The following ETV6 variants were observed in gnomAD, a reference collection of about 807,000 sequenced individuals.
ETV6 encodes the protein transcription factor ETV6.
ETV6 carries 16 observed loss-of-function variants against 51.1 expected under a neutral mutation model. That is an observed-to-expected ratio of 0.31 (90% CI 0.21 to 0.48). ETV6 has a LOEUF of 0.48. Among genes scored for constraint, ETV6 ranks in the 20% least tolerant of loss-of-function variants. The probability of loss-of-function intolerance (pLI) is 0.99; values close to 1 mark genes in which losing one functional copy is unlikely to be tolerated. For missense variants in ETV6, 458 were observed against 594.8 expected, an observed-to-expected ratio of 0.77 and a Z score of 2.39; for synonymous variants, 240 against 224.1, an observed-to-expected ratio of 1.07 and a Z score of -0.64.
rs1947321846 is a variant in ETV6 at position 11,893,188 on chromosome 12, C to T, written c.*2142C>T. 4 of 232,518 alleles carry T rather than the reference C, an allele frequency of 1.7e-5. No individual in the cohort carries two copies. Among genetic ancestry groups the T allele is most frequent in the Non-Finnish European group, 2.5e-5 (3 of 117,742 alleles). The allele number at this position is 232,518 out of a possible 1,614,324, so 14.4% of individuals were successfully genotyped here. On this transcript the variant is annotated 3_prime_UTR_variant, in exon 8 of 8. Transcript: ENST00000396373. ...GAAATGCAGAGATTAAGCCAAATAC[C>T]TGATGTATTGTGAAAGCCACTGATT...
chr12:11,748,132 T>A (rs1865941560), intron 1 of ETV6, among the ~76,000 whole-genome samples: 1 of 152,238 alleles, frequency 6.6e-6, no homozygotes, highest in African/African-American at 2.4e-5. Flanking sequence ...GGTTGCAGGT[T>A]TCTTCACAGT....
At chr12:11,859,274 A>AG (rs1480274564) in intron 4 of ETV6, among the ~76,000 whole-genome samples, 2 of 150,848 alleles carry the variant, frequency 1.3e-5, no homozygotes, top group African/African-American at 4.9e-5. Flanking sequence ...CCCAAGTAGC[A>AG]GGGACTACAG....
chr12:11,856,829 T>C (rs762715621), intron 4 of ETV6, among the ~76,000 whole-genome samples: 24 of 152,212 alleles, frequency 1.6e-4, no homozygotes, highest in Non-Finnish European at 2.6e-4. Context: ...AAAAAAAATC[T>C]GTCAAGTGAA....
chr12:11,674,534 A>G (rs1372815601), intron 1 of ETV6, among the ~76,000 whole-genome samples: 1 of 152,112 alleles, frequency 6.6e-6, no homozygotes, highest in Admixed American at 6.5e-5. Flanking sequence ...CGGAGACAAT[A>G]GAAACACTTT....
At chr12:11,812,032 A>G (rs2136421000) in intron 2 of ETV6, among the ~76,000 whole-genome samples, 1 of 152,346 alleles carries the variant, frequency 6.6e-6, no homozygotes, top group Middle Eastern at 3.4e-3. Context: ...AAAATGTCCC[A>G]ATGCTAACTC....
chr12:11,689,979 C>T (rs943929689), intron 1 of ETV6, among the ~76,000 whole-genome samples: 2 of 151,908 alleles, frequency 1.3e-5, no homozygotes, highest in Non-Finnish European at 2.9e-5. Context: ...CAAGGGTGTT[C>T]GGTGTCACAA....
At chr12:11,690,608 G>A (rs1359003303) in intron 1 of ETV6, among the ~76,000 whole-genome samples, 1 of 151,982 alleles carries the variant, frequency 6.6e-6, no homozygotes, top group Non-Finnish European at 1.5e-5. Flanking sequence ...GATAGAATGG[G>A]CTGGGCACGG....
intron 1 of ETV6, among the ~76,000 whole-genome samples, chr12:11,664,975 C>T (rs1864168737): frequency 6.6e-6 from 1 of 152,214 alleles, no homozygotes; most frequent in South Asian, 2.1e-4. Flanking sequence ...CCTTTACTGC[C>T]TACCTTTCTA....
At chr12:11,734,525 A>G (rs1565503962) in intron 1 of ETV6, among the ~76,000 whole-genome samples, 1 of 147,480 alleles carries the variant, frequency 6.8e-6, no homozygotes, top group Non-Finnish European at 1.5e-5. Context: ...GCAAAAAAAA[A>G]AAAGAAAAAA....
chr12:11,755,241 G>A (rs552806074), intron 2 of ETV6, among the ~76,000 whole-genome samples: 1 of 152,326 alleles, frequency 6.6e-6, no homozygotes, highest in East Asian at 1.9e-4. Context: ...TCGAAGGATG[G>A]ATGGGTCCCC....
intron 2 of ETV6, among the ~76,000 whole-genome samples, chr12:11,760,143 T>C (rs1324429779): frequency 6.6e-6 from 1 of 152,238 alleles, no homozygotes; most frequent in Non-Finnish European, 1.5e-5. Context: ...AAACTGGCCC[T>C]GGCTCTGGCC....
intron 7 of ETV6, among the ~76,000 whole-genome samples, chr12:11,888,545 G>T (rs557485580): frequency 9.2e-5 from 14 of 152,074 alleles, no homozygotes; most frequent in African/African-American, 3.4e-4. Flanking sequence ...TGGAATTACA[G>T]GTGCCTGCCA....
chr12:11,846,965 C>T (rs538676439), intron 3 of ETV6, among the ~76,000 whole-genome samples: 64 of 152,266 alleles, frequency 4.2e-4, no homozygotes, highest in East Asian at 1.5e-3. Context: ...GTCCACCTTC[C>T]GGGTTCACGC....
chr12:11,823,660 G>A (rs1365205126), intron 2 of ETV6, among the ~76,000 whole-genome samples: 2 of 152,052 alleles, frequency 1.3e-5, no homozygotes, highest in African/African-American at 4.8e-5. Context: ...TAGAGACGGG[G>A]TTTCACTATG....
chr12:11,874,951 C>T (rs111477462), intron 5 of ETV6, among the ~76,000 whole-genome samples: 5,052 of 149,644 alleles, frequency 0.034, 109 homozygotes, highest in Non-Finnish European at 0.053. Context: ...ATGTAAATGA[C>T]GAGTTAATGG....
intron 1 of ETV6, among the ~76,000 whole-genome samples, chr12:11,726,205 G>A (rs1224005880): frequency 6.6e-6 from 1 of 152,178 alleles, no homozygotes; most frequent in East Asian, 1.9e-4. Flanking sequence ...AATTCTTAAG[G>A]GCATTTGAAA....
chr12:11,658,242 G>A (rs1335748147), intron 1 of ETV6, among the ~76,000 whole-genome samples: 1 of 152,074 alleles, frequency 6.6e-6, no homozygotes, highest in Non-Finnish European at 1.5e-5. Flanking sequence ...GTTTGTTTTT[G>A]TTTTTGTTTT....
intron 2 of ETV6, among the ~76,000 whole-genome samples, chr12:11,761,964 A>G (rs1945092559): frequency 6.6e-6 from 1 of 152,242 alleles, no homozygotes; most frequent in African/African-American, 2.4e-5. Context: ...TTTAGTGCAG[A>G]TGGTGGTACT....
At chr12:11,653,010 C>A (rs575021700) in intron 1 of ETV6, among the ~76,000 whole-genome samples, 1 of 152,124 alleles carries the variant, frequency 6.6e-6, no homozygotes, top group South Asian at 2.1e-4. Flanking sequence ...TTTCTCTACA[C>A]GCGACTTGCA....
Sources: gnomAD v4.1 joint callset for allele counts (sites outside exome capture counted in the v4.1 genomes callset) on GRCh38, gnomAD v4.1.1 for gene constraint, MANE v1.5 for transcripts, NCBI Gene and HGNC (gene_info 2026-07-23, HGNC 2026-07-21) for gene names.